Variants in SAMTOR observed in about 807,000 individuals in gnomAD.
SAMTOR encodes S-adenosylmethionine sensor upstream of mTORC1, also known as UPF0532 protein C7orf60.
At chr7:112,828,435 G>A in the SAMTOR span, among the ~76,000 whole-genome samples, 1 of 152,118 alleles carries the variant, frequency 6.6e-6, no homozygotes, top group Non-Finnish European at 1.5e-5. Flanking sequence ...TCATCTTCAT[G>A]TGACGTTCTC....
At chr7:112,844,271 C>G in the SAMTOR span, among the ~76,000 whole-genome samples, 1 of 152,034 alleles carries the variant, frequency 6.6e-6, no homozygotes, top group East Asian at 1.9e-4. Flanking sequence ...GGAGTCCTGT[C>G]CAGAGCAATC....
At chr7:112,847,249 T>A in the SAMTOR span, among the ~76,000 whole-genome samples, 10 of 152,204 alleles carry the variant, frequency 6.6e-5, no homozygotes, top group Non-Finnish European at 5.9e-5. Context: ...CTTAGCAAAT[T>A]AAGAATAAAT....
the SAMTOR span, among the ~76,000 whole-genome samples, chr7:112,844,027 C>A: frequency 1.3e-5 from 2 of 152,024 alleles, no homozygotes; most frequent in Non-Finnish European, 1.5e-5. Context: ...AAGACAAAAA[C>A]CACATGATCA....
At chr7:112,867,885 A>G in the SAMTOR span, among the ~76,000 whole-genome samples, 1 of 152,210 alleles carries the variant, frequency 6.6e-6, no homozygotes, top group African/African-American at 2.4e-5. Context: ...ACCGGGCTGC[A>G]TAGCAGGAGG....
At chr7:112,902,442 A>AAAAAAAAAAAAAAAAAAAC in the SAMTOR span, among the ~76,000 whole-genome samples, 1 of 134,212 alleles carries the variant, frequency 7.5e-6, no homozygotes, top group South Asian at 2.4e-4. Context: ...AAAAAAACAA[A>AAAAAAAAAAAAAAAAAAAC]AAAAAACAAA....
At chr7:112,845,236 CA>C in the SAMTOR span, among the ~76,000 whole-genome samples, 1 of 152,172 alleles carries the variant, frequency 6.6e-6, no homozygotes, top group African/African-American at 2.4e-5. Context: ...CAAAATTTGA[CA>C]AATGGGATCT....
chr7:112,876,919 C>T, the SAMTOR span, among the ~76,000 whole-genome samples: 1 of 152,142 alleles, frequency 6.6e-6, no homozygotes, highest in African/African-American at 2.4e-5. Flanking sequence ...AAGGTTCACA[C>T]CAAATATTAG....
the SAMTOR span, among the ~76,000 whole-genome samples, chr7:112,918,070 A>G: frequency 6.6e-6 from 1 of 152,232 alleles, no homozygotes; most frequent in Non-Finnish European, 1.5e-5. Flanking sequence ...AGGCAGGCCA[A>G]CGTTCAGATT....
chr7:112,879,246 G>A, the SAMTOR span, among the ~76,000 whole-genome samples: 1 of 150,030 alleles, frequency 6.7e-6, no homozygotes, highest in African/African-American at 2.5e-5. Flanking sequence ...ACAGAGATTT[G>A]GAATAATCAG....
chr7:112,821,791 A>G, the SAMTOR span: 3 of 1,613,058 alleles, frequency 1.9e-6, no homozygotes, highest in Non-Finnish European at 2.5e-6. Flanking sequence ...AAAGGAATAG[A>G]GCTGGCTTGA....
the SAMTOR span, among the ~76,000 whole-genome samples, chr7:112,855,061 C>G: frequency 2.0e-5 from 3 of 152,164 alleles, no homozygotes; most frequent in Non-Finnish European, 4.4e-5. Flanking sequence ...GGTACTACTA[C>G]TCTCATTTTA....
the SAMTOR span, among the ~76,000 whole-genome samples, chr7:112,882,486 C>G: frequency 3.3e-5 from 5 of 152,042 alleles, no homozygotes; most frequent in East Asian, 5.8e-4. Context: ...GTCAGGAGAT[C>G]GAGATCATCC....
At chr7:112,886,017 T>C in the SAMTOR span, among the ~76,000 whole-genome samples, 3 of 152,120 alleles carry the variant, frequency 2.0e-5, no homozygotes, top group Admixed American at 6.5e-5. Flanking sequence ...AAAGCAAACA[T>C]GTCCTTCCTC....
chr7:112,873,303 A>G, the SAMTOR span, among the ~76,000 whole-genome samples: 1 of 152,180 alleles, frequency 6.6e-6, no homozygotes, highest in Non-Finnish European at 1.5e-5. Flanking sequence ...ACATCACATT[A>G]CCCAATTGCA....
chr7:112,925,424 T>C, the SAMTOR span, among the ~76,000 whole-genome samples: 1 of 152,352 alleles, frequency 6.6e-6, no homozygotes, highest in East Asian at 1.9e-4. Flanking sequence ...AGTTCTATGA[T>C]AACATATACC....
chr7:112,844,281 C>T, the SAMTOR span, among the ~76,000 whole-genome samples: 7 of 151,960 alleles, frequency 4.6e-5, no homozygotes, highest in Admixed American at 2.0e-4. Context: ...CCAGAGCAAT[C>T]GGATAAGAGA....
the SAMTOR span, among the ~76,000 whole-genome samples, chr7:112,828,331 G>C: frequency 4.5e-4 from 69 of 152,294 alleles, no homozygotes; most frequent in African/African-American, 1.6e-3. Context: ...CTGTGAGGGA[G>C]AATCTAATCA....
chr7:112,852,278 G>A, the SAMTOR span, among the ~76,000 whole-genome samples: 1 of 152,090 alleles, frequency 6.6e-6, no homozygotes, highest in African/African-American at 2.4e-5. Context: ...ATTCTACGCA[G>A]CCATAAAAAA....
the SAMTOR span, among the ~76,000 whole-genome samples, chr7:112,844,100 A>G: frequency 3.7e-4 from 56 of 152,276 alleles, 1 homozygote; most frequent in East Asian, 9.7e-3. Flanking sequence ...AAAAACTCTC[A>G]ATAAACTAGG....
Sources: gnomAD v4.1 joint callset for allele counts (sites outside exome capture counted in the v4.1 genomes callset) on GRCh38, gnomAD v4.1.1 for gene constraint, MANE v1.5 for transcripts, NCBI Gene and HGNC (gene_info 2026-07-23, HGNC 2026-07-21) for gene names.